Variants in NARS2 observed in about 807,000 individuals in gnomAD.
The protein encoded by NARS2 is asparaginyl-tRNA synthetase.
NARS2 carries 60 observed loss-of-function variants against 62.9 expected under a neutral mutation model. The observed-to-expected ratio is 0.95, with a 90% CI of 0.77 to 1.18. The LOEUF (loss-of-function observed/expected upper bound fraction) is 1.18, where lower values mean the gene tolerates loss of function less well. Ranked by LOEUF, NARS2 falls within the 50% of genes most tolerant of loss-of-function variation. The pLI, the probability that NARS2 is intolerant of heterozygous loss-of-function variation, is 0.00. For synonymous variants in NARS2, 196 were observed against 200.0 expected (o/e 0.98, Z 0.17); for missense variants, 619 against 576.4 (o/e 1.07, Z -0.76).
At position 78,510,072 on chromosome 11, in the gene NARS2, C is replaced by CA. The variant is rs1384375656; in HGVS notation, c.690-16878dup. Among the ~76,000 whole-genome samples the CA allele has an allele frequency of 2.6e-5, 4 of 151,938 alleles. No individual in the cohort carries two copies. In the East Asian group the frequency reaches 5.8e-4, roughly 22 times the overall value. On this transcript the variant is annotated intron_variant, in intron 6 of 13. Coordinates refer to ENST00000281038, the MANE Select transcript of NARS2 (RefSeq NM_024678.6). ...ACACAGTAATGCAGAAAACAAGGGA[C>CA]AAAAAAGCTATAAAGTATATAGAAA...
chr11:78,465,076 G>A (rs1047802810), intron 11 of NARS2, among the ~76,000 whole-genome samples: 12 of 152,226 alleles, frequency 7.9e-5, no homozygotes, highest in African/African-American at 1.4e-4. Context: ...GGGGTGGGGA[G>A]GCTCAGGCAT....
chr11:78,439,165 G>A (rs1381602224), intron 13 of NARS2, among the ~76,000 whole-genome samples: 1 of 152,032 alleles, frequency 6.6e-6, no homozygotes, highest in Admixed American at 6.5e-5. Flanking sequence ...AGCCTCCGGA[G>A]TAGCTGGGAA....
At chr11:78,444,301 A>T (rs1021439910) in intron 11 of NARS2, among the ~76,000 whole-genome samples, 3 of 152,052 alleles carry the variant, frequency 2.0e-5, no homozygotes, top group African/African-American at 7.2e-5. Context: ...GTTTTTTCTT[A>T]TAATGTGGCA....
At chr11:78,454,439 G>A (rs1022710481) in intron 11 of NARS2, among the ~76,000 whole-genome samples, 4 of 152,020 alleles carry the variant, frequency 2.6e-5, no homozygotes, top group Non-Finnish European at 5.9e-5. Context: ...GACTGACATC[G>A]CTTCCCTTCT....
intron 13 of NARS2, among the ~76,000 whole-genome samples, chr11:78,437,199 C>G (rs1299295068): frequency 6.6e-6 from 1 of 152,018 alleles, no homozygotes. Flanking sequence ...TTTTCTTTTC[C>G]TTCCCAAAAT....
chr11:78,452,177 C>T (rs182365905), intron 11 of NARS2, among the ~76,000 whole-genome samples: 3 of 151,566 alleles, frequency 2.0e-5, no homozygotes, highest in African/African-American at 4.8e-5. Flanking sequence ...GGTGCGATCT[C>T]ACTCACTGCA....
intron 5 of NARS2, among the ~76,000 whole-genome samples, chr11:78,555,688 G>C (rs1395633810): frequency 1.3e-5 from 2 of 152,080 alleles, no homozygotes; most frequent in Non-Finnish European, 2.9e-5. Context: ...CTTCAGTTCA[G>C]CTCTGATTTT....
intron 11 of NARS2, among the ~76,000 whole-genome samples, chr11:78,453,422 C>G (rs1169779105): frequency 1.3e-5 from 2 of 151,846 alleles, no homozygotes; most frequent in Admixed American, 6.6e-5. Context: ...TGATTCCAAT[C>G]AATGCACTGA....
intron 11 of NARS2, among the ~76,000 whole-genome samples, chr11:78,448,132 T>C (rs868719840): frequency 3.9e-5 from 6 of 152,140 alleles, no homozygotes; most frequent in Non-Finnish European, 7.4e-5. Context: ...TGTATACACA[T>C]ATCAAAACAG....
In NARS2 at chr11:78,465,916, G is replaced by A. The variant is rs1363891695; in HGVS notation, c.1124C>T (p.Pro375Leu). Residue 375 changes from proline to leucine, a missense_variant, in exon 11 of 14, where the codon CCT becomes CTT. By Grantham distance (98) the Pro-to-Leu change is moderately conservative. Coordinates refer to ENST00000281038, the MANE Select transcript of NARS2 (RefSeq NM_024678.6). ...ATCTTCATTATCCCTCATGTAGAAA[G>A]GCTTGAGTGTTAATGGATAATTAAT... ...FVINYPLTLK[P>L]FYMRDNEDGP... The A allele has an allele frequency of 1.2e-6, 2 of 1,614,068 alleles. No homozygotes were observed. Among genetic ancestry groups the A allele is most frequent in the Admixed American group, 3.3e-5 (2 of 60,012 alleles).
chr11:78,557,613 T>C (rs1418077217), intron 5 of NARS2, among the ~76,000 whole-genome samples: 1 of 152,200 alleles, frequency 6.6e-6, no homozygotes, highest in African/African-American at 2.4e-5. Context: ...CTTTCTGATA[T>C]TCTGCATGGG....
chr11:78,570,609 TGACTC>T (rs1171842253), intron 2 of NARS2, among the ~76,000 whole-genome samples: 1 of 152,188 alleles, frequency 6.6e-6, no homozygotes, highest in Non-Finnish European at 1.5e-5. Flanking sequence ...GGTCTTAACT[TGACTC>T]AAGTGATCCG....
In NARS2 at chr11:78,444,727, C is replaced by CA. The variant is rs1391489970; in HGVS notation, c.1165-970dup. 7.7e-3 allele frequency among the ~76,000 whole-genome samples: 714 copies of CA among 92,390 alleles called. 6 individuals carry two copies. Among genetic ancestry groups the CA allele is most frequent in the Non-Finnish European group, 0.013 (521 of 39,186 alleles). 60.6% of individuals were successfully genotyped at this position (92,390 alleles called of 152,430 possible). Reference sequence around the variant, plus strand: ...GAGCAAGACTCTGTCTCAAACAAAACAAAAAAAAAAAAAAGGGTGATAAGA... The same window carrying CA: ...GAGCAAGACTCTGTCTCAAACAAAACAAAAAAAAAAAAAAAGGGTGATAAGA... On this transcript the variant is annotated intron_variant, in intron 11 of 13. Coordinates refer to ENST00000281038, the MANE Select transcript of NARS2 (RefSeq NM_024678.6).
chr11:78,521,919 A>C (rs1490835145), intron 6 of NARS2, among the ~76,000 whole-genome samples: 1 of 152,152 alleles, frequency 6.6e-6, no homozygotes, highest in Non-Finnish European at 1.5e-5. Flanking sequence ...AAAATGATAA[A>C]GGTATTTCAT....
chr11:78,516,988 G>A (rs151005946), intron 6 of NARS2, among the ~76,000 whole-genome samples: 1,782 of 152,280 alleles, frequency 0.012, 30 homozygotes, highest in Non-Finnish European at 0.013. Context: ...AAGGTTCTGG[G>A]TGACATCATT....
intron 4 of NARS2, among the ~76,000 whole-genome samples, chr11:78,565,879 A>C (rs1252337040): frequency 1.3e-5 from 2 of 152,236 alleles, no homozygotes; most frequent in African/African-American, 4.8e-5. Context: ...TCACATAAGC[A>C]AGACCTCAAA....
At chr11:78,510,754 C>T (rs1281718372) in intron 6 of NARS2, among the ~76,000 whole-genome samples, 3 of 152,138 alleles carry the variant, frequency 2.0e-5, no homozygotes, top group Non-Finnish European at 2.9e-5. Flanking sequence ...GAACTACATA[C>T]TTAAAATGGT....
intron 13 of NARS2, among the ~76,000 whole-genome samples, chr11:78,440,088 G>A (rs1038800199): frequency 5.9e-5 from 9 of 152,106 alleles, no homozygotes; most frequent in Admixed American, 2.0e-4. Context: ...TTTTTGAGAC[G>A]GAGTCTCGCT....
chr11:78,541,907 C>G (rs1241397113), intron 5 of NARS2, among the ~76,000 whole-genome samples: 2 of 152,106 alleles, frequency 1.3e-5, no homozygotes, highest in Admixed American at 6.5e-5. Context: ...GAAACAGGCT[C>G]AATAAACTGC....
Sources: gnomAD v4.1 joint callset for allele counts (sites outside exome capture counted in the v4.1 genomes callset) on GRCh38, gnomAD v4.1.1 for gene constraint, MANE v1.5 for transcripts, NCBI Gene and HGNC (gene_info 2026-07-23, HGNC 2026-07-21) for gene names.